The following SGCZ variants were observed in gnomAD, a reference collection of about 807,000 sequenced individuals.
The protein encoded by SGCZ is sarcoglycan zeta, also known as zeta-sarcoglycan.
A neutral mutation model predicts 41.3 loss-of-function variants in SGCZ; 40 were observed. The ratio of observed to expected loss-of-function variants is 0.97; its 90% CI spans 0.75 to 1.26. The LOEUF (loss-of-function observed/expected upper bound fraction) is 1.26, where lower values mean the gene tolerates loss of function less well. Among genes scored for constraint, SGCZ ranks in the 50% most tolerant of loss-of-function variants. SGCZ has a pLI of 0.00. For missense variants in SGCZ, 552 were observed against 369.8 expected (o/e 1.49, Z -4.04); for synonymous variants, 206 against 137.5 (o/e 1.50, Z -3.49).
intron 2 of SGCZ, among the ~76,000 whole-genome samples, chr8:14,408,712 T>C (rs1478211121): frequency 6.6e-6 from 1 of 152,114 alleles, no homozygotes; most frequent in Non-Finnish European, 1.5e-5. Flanking sequence ...CTGCATGGCA[T>C]CTTATTTATC....
intron 5 of SGCZ, among the ~76,000 whole-genome samples, chr8:14,111,775 G>A (rs1802378289): frequency 6.6e-6 from 1 of 152,148 alleles, no homozygotes. Context: ...AAAGAATAAG[G>A]ATGGCATATT....
At chr8:14,674,651 G>A (rs1808212207) in intron 1 of SGCZ, among the ~76,000 whole-genome samples, 2 of 152,218 alleles carry the variant, frequency 1.3e-5, no homozygotes, top group South Asian at 4.1e-4. Context: ...GGGACCTGGT[G>A]GGAGGTGATT....
At chr8:14,164,503 C>G in intron 5 of SGCZ, 77 bp downstream of exon 5, 12 of 1,555,552 alleles carry the variant, frequency 7.7e-6, no homozygotes, top group Non-Finnish European at 1.1e-5. Flanking sequence ...AATCATCCAT[C>G]TTATTAAGAA....
intron 1 of SGCZ, among the ~76,000 whole-genome samples, chr8:14,591,858 G>T (rs1054405457): frequency 6.6e-6 from 1 of 152,028 alleles, no homozygotes; most frequent in Non-Finnish European, 1.5e-5. Context: ...CTATATTGTC[G>T]ATTATAATTC....
At chr8:14,447,711 G>A (rs1016571668) in intron 2 of SGCZ, among the ~76,000 whole-genome samples, 2 of 152,050 alleles carry the variant, frequency 1.3e-5, no homozygotes, top group African/African-American at 4.8e-5. Context: ...GACAGTATTT[G>A]GTACTGCAGC....
At position 14,160,416 on chromosome 8, in the gene SGCZ, G is replaced by C. The variant is rs531343248; in HGVS notation, c.547+4164C>G. 1.4e-4 allele frequency among the ~76,000 whole-genome samples: 21 copies of C among 152,160 alleles called. No homozygotes were observed. In the East Asian group the frequency reaches 3.5e-3, roughly 25 times the overall value. ...GGTTTATTCCTTTTTTTGTTGTGTT[G>C]ACTAGGTCTCAAAAGATAATTGAAT... On this transcript the variant is annotated intron_variant, in intron 5 of 7. Transcript: ENST00000382080.
At chr8:14,899,037 G>GT (rs1805306130) in intron 1 of SGCZ, among the ~76,000 whole-genome samples, 1 of 152,018 alleles carries the variant, frequency 6.6e-6, no homozygotes, top group Non-Finnish European at 1.5e-5. Context: ...CCGTGTTAGA[G>GT]TTTCACTTTT....
chr8:15,073,193 C>A (rs750705697), intron 1 of SGCZ, among the ~76,000 whole-genome samples: 1 of 152,050 alleles, frequency 6.6e-6, no homozygotes, highest in African/African-American at 2.4e-5. Context: ...GGTGGGATCC[C>A]TTTTGGTGCT....
At chr8:14,890,548 G>A (rs1804973500) in intron 1 of SGCZ, among the ~76,000 whole-genome samples, 1 of 152,190 alleles carries the variant, frequency 6.6e-6, no homozygotes, top group African/African-American at 2.4e-5. Context: ...GAATAAGTTG[G>A]TTCATGAGGT....
rs940449588 is a variant in SGCZ at position 15,053,590 on chromosome 8, C to T, written c.39+183995G>A. ...AGGTGAAAAACGATATATCCCATTCCGAGTTTCATGAGATTTACTAATCAT... is the reference window on the plus strand; with the variant it reads ...AGGTGAAAAACGATATATCCCATTCTGAGTTTCATGAGATTTACTAATCAT... On this transcript the variant is annotated intron_variant, in intron 1 of 7. Coordinates refer to ENST00000382080, the MANE Select transcript of SGCZ (RefSeq NM_139167.4). 5.1e-4 allele frequency among the ~76,000 whole-genome samples: 77 copies of T among 151,858 alleles called. 2 individuals are homozygous for T. The highest frequency in any genetic ancestry group is 1.3e-4 in the Non-Finnish European group (9 of 68,022).
rs538700448 is a variant in SGCZ at position 14,790,901 on chromosome 8, C to T, written c.40-235975G>A. ...CAAAAATTTGCGCAGGGTGGTGGTG[C>T]GCATCTGTAATCCTACCCACTCGAG... On this transcript the variant is annotated intron_variant, in intron 1 of 7. Transcript: ENST00000382080. 3.3e-5 allele frequency among the ~76,000 whole-genome samples: 5 copies of T among 151,766 alleles called. No homozygotes were observed. In the South Asian group the frequency reaches 6.3e-4, roughly 19 times the overall value.
intron 3 of SGCZ, among the ~76,000 whole-genome samples, chr8:14,238,647 T>C (rs1348942739): frequency 2.0e-5 from 3 of 152,198 alleles, no homozygotes; most frequent in Non-Finnish European, 4.4e-5. Flanking sequence ...CATTCTCATT[T>C]TAACGCTCTA....
chr8:14,319,025 G>A (rs1207847014), intron 3 of SGCZ, among the ~76,000 whole-genome samples: 12 of 151,820 alleles, frequency 7.9e-5, no homozygotes, highest in African/African-American at 2.9e-4. Context: ...AACTCTAGAT[G>A]ACAGTCACTT....
chr8:14,242,098 A>C (rs1798913278), intron 3 of SGCZ, among the ~76,000 whole-genome samples: 1 of 152,168 alleles, frequency 6.6e-6, no homozygotes, highest in South Asian at 2.1e-4. Flanking sequence ...ATAATTAACA[A>C]TCATACAAAC....
chr8:14,964,125 G>C (rs1236132559), intron 1 of SGCZ, among the ~76,000 whole-genome samples: 8 of 152,158 alleles, frequency 5.3e-5, no homozygotes. Flanking sequence ...GTTTGCTTTA[G>C]TTAATCCCCT....
intron 2 of SGCZ, among the ~76,000 whole-genome samples, chr8:14,501,939 G>A (rs930435718): frequency 1.3e-5 from 2 of 151,860 alleles, no homozygotes; most frequent in African/African-American, 2.4e-5. Context: ...TAAAAATTAC[G>A]CTTAGAAAAG....
At chr8:14,551,599 A>G (rs1440622933) in intron 2 of SGCZ, among the ~76,000 whole-genome samples, 1 of 62,208 alleles carries the variant, frequency 1.6e-5, no homozygotes, top group East Asian at 4.2e-4. Flanking sequence ...AATATATATT[A>G]TATATATTAT....
chr8:14,415,044 G>A (rs1306990045), intron 2 of SGCZ, among the ~76,000 whole-genome samples: 1 of 151,802 alleles, frequency 6.6e-6, no homozygotes, highest in South Asian at 2.1e-4. Context: ...AAATTATCCT[G>A]CTACTTATAT....
intron 1 of SGCZ, among the ~76,000 whole-genome samples, chr8:14,878,333 T>G (rs1441523272): frequency 6.6e-6 from 1 of 152,006 alleles, no homozygotes; most frequent in African/African-American, 2.4e-5. Context: ...TCTATAACTT[T>G]CCCACATTTT....
Sources: gnomAD v4.1 joint callset for allele counts (sites outside exome capture counted in the v4.1 genomes callset) on GRCh38, gnomAD v4.1.1 for gene constraint, MANE v1.5 for transcripts, NCBI Gene and HGNC (gene_info 2026-07-23, HGNC 2026-07-21) for gene names.